The following TBC1D5 variants were observed in gnomAD, a reference collection of about 807,000 sequenced individuals.
TBC1D5 encodes the protein TBC1 domain family member 5, also known as TBC1 domain family, member 5.
In TBC1D5, 75 loss-of-function variants were observed where a neutral mutation model predicts 100.3. The ratio of observed to expected loss-of-function variants is 0.75; its 90% CI spans 0.62 to 0.91. TBC1D5 has a LOEUF of 0.91. TBC1D5 is among the 40% of genes least tolerant of loss of function. TBC1D5 has a pLI of 0.00. For synonymous variants in TBC1D5, 323 were observed against 325.6 expected, an observed-to-expected ratio of 0.99 and a Z score of 0.09; for missense variants, 910 against 942.4, an observed-to-expected ratio of 0.97 and a Z score of 0.45.
chr3:17,180,973 T>C (rs1163170709), intron 19 of TBC1D5, among the ~76,000 whole-genome samples: 1 of 150,112 alleles, frequency 6.7e-6, no homozygotes, highest in Non-Finnish European at 1.5e-5. Flanking sequence ...TCTCTCGATA[T>C]GAATGGAACT....
intron 13 of TBC1D5, among the ~76,000 whole-genome samples, chr3:17,346,529 T>G (rs1442867425): frequency 6.6e-6 from 1 of 152,192 alleles, no homozygotes; most frequent in Non-Finnish European, 1.5e-5. Context: ...TTTTTCCTAA[T>G]GTACTGTCCT....
intron 1 of TBC1D5, among the ~76,000 whole-genome samples, chr3:17,669,345 C>A (rs993440671): frequency 2.0e-5 from 3 of 151,970 alleles, no homozygotes; most frequent in Non-Finnish European, 2.9e-5. Context: ...TTTATAGCAG[C>A]ATGAGAATGG....
chr3:17,689,532 A>AG (rs1445496043), intron 1 of TBC1D5, among the ~76,000 whole-genome samples: 2 of 151,760 alleles, frequency 1.3e-5, no homozygotes, highest in South Asian at 2.1e-4. Context: ...AAAAAAAAAA[A>AG]AAAAGAAAAG....
chr3:17,633,356 A>C (rs2063647802), intron 1 of TBC1D5, among the ~76,000 whole-genome samples: 2 of 152,120 alleles, frequency 1.3e-5, no homozygotes, highest in African/African-American at 2.4e-5. Context: ...GAATTGCTGG[A>C]ACCTGGGAGG....
intron 3 of TBC1D5, among the ~76,000 whole-genome samples, chr3:17,445,546 G>T (rs2094770493): frequency 6.6e-6 from 1 of 151,896 alleles, no homozygotes; most frequent in East Asian, 1.9e-4. Context: ...CTTATTTGTG[G>T]TCTTGCTTTC....
chr3:17,491,296 C>T (rs192206509), intron 3 of TBC1D5, among the ~76,000 whole-genome samples: 4 of 152,198 alleles, frequency 2.6e-5, no homozygotes, highest in East Asian at 3.9e-4. Flanking sequence ...TTTGAATACC[C>T]ATTATTTCTT....
chr3:17,654,566 A>T (rs1470700506), intron 1 of TBC1D5, among the ~76,000 whole-genome samples: 1 of 152,178 alleles, frequency 6.6e-6, no homozygotes, highest in Non-Finnish European at 1.5e-5. Flanking sequence ...GTTTGCCAGT[A>T]TTTTATTGAG....
intron 2 of TBC1D5, among the ~76,000 whole-genome samples, chr3:17,591,827 T>C (rs114842964): frequency 0.017 from 2,523 of 152,270 alleles, 52 homozygotes; most frequent in South Asian, 0.048. Context: ...AAAATAATAT[T>C]GAATCCTTGG....
chr3:17,692,493 A>G, intron 1 of TBC1D5, among the ~76,000 whole-genome samples: 1 of 152,252 alleles, frequency 6.6e-6, no homozygotes, highest in East Asian at 1.9e-4. Context: ...AAGACACAGA[A>G]AAAAACTATG....
chr3:17,456,850 T>C (rs372620809), intron 3 of TBC1D5, among the ~76,000 whole-genome samples: 4 of 152,182 alleles, frequency 2.6e-5, no homozygotes, highest in African/African-American at 9.6e-5. Context: ...TATAAAATGG[T>C]TGAACCACAA....
chr3:17,347,707 T>G (rs542692916), intron 13 of TBC1D5, among the ~76,000 whole-genome samples: 1 of 152,236 alleles, frequency 6.6e-6, no homozygotes, highest in Non-Finnish European at 1.5e-5. Context: ...AGTTTAGATT[T>G]AAATCTAAAT....
At chr3:17,584,738 C>T (rs180923784) in intron 2 of TBC1D5, among the ~76,000 whole-genome samples, 2 of 152,288 alleles carry the variant, frequency 1.3e-5, no homozygotes, top group East Asian at 3.9e-4. Context: ...CTCACTGCAA[C>T]CTCCACTTCC....
intron 14 of TBC1D5, among the ~76,000 whole-genome samples, chr3:17,299,336 T>C (rs574500584): frequency 6.6e-6 from 1 of 152,326 alleles, no homozygotes; most frequent in South Asian, 2.1e-4. Context: ...GGAGGTTTTT[T>C]TATTTTTGGA....
In TBC1D5 at chr3:17,688,959, C is replaced by T. The variant is rs181961462; in HGVS notation, c.-101+50384G>A. ...ACTATCTTGAATTGTCCCGAATTTTCCAGAGTTACTACTGGGTACACAGAG... is the reference window on the plus strand; with the variant it reads ...ACTATCTTGAATTGTCCCGAATTTTTCAGAGTTACTACTGGGTACACAGAG... On this transcript the variant is annotated intron_variant, in intron 1 of 21. Coordinates refer to ENST00000253692, the Ensembl canonical transcript of TBC1D5. Among the ~76,000 whole-genome samples the T allele has an allele frequency of 1.7e-4, 26 of 152,228 alleles. No homozygotes were observed. The East Asian group carries it at 4.8e-3, about 28-fold the overall frequency.
chr3:17,721,194 A>G (rs1047610838), intron 1 of TBC1D5, among the ~76,000 whole-genome samples: 2 of 152,160 alleles, frequency 1.3e-5, no homozygotes, highest in African/African-American at 2.4e-5. Flanking sequence ...TCTCAACTAT[A>G]AACTATAAAA....
At chr3:17,165,677 G>A (rs1013507706) in intron 21 of TBC1D5, among the ~76,000 whole-genome samples, 4 of 152,174 alleles carry the variant, frequency 2.6e-5, no homozygotes, top group African/African-American at 9.7e-5. Context: ...ATTTACAAGT[G>A]TCTGAATGCT....
At position 17,509,958 on chromosome 3, in the gene TBC1D5, A is replaced by G. The variant is rs143556754; in HGVS notation, c.-35-1353T>C. Among the ~76,000 whole-genome samples, 374 of 152,164 alleles carry G rather than the reference A, an allele frequency of 2.5e-3. 1 individual carries two copies. Among genetic ancestry groups the G allele is most frequent in the African/African-American group, 8.5e-3 (354 of 41,576 alleles). The stretch of plus-strand genomic sequence containing the variant: ...CCAACCTACACTATTTGTAAATTTT[A>G]TATGTCCCTAAGATGCAAATTATCT... On this transcript the variant is annotated intron_variant, in intron 2 of 21. Transcript: ENST00000253692.
intron 2 of TBC1D5, among the ~76,000 whole-genome samples, chr3:17,549,781 A>C (rs929825060): frequency 3.9e-5 from 6 of 151,942 alleles, no homozygotes; most frequent in African/African-American, 1.5e-4. Context: ...AAATACAAAA[A>C]TTAGCTGGGT....
At chr3:17,541,863 A>G (rs2096360952) in intron 2 of TBC1D5, among the ~76,000 whole-genome samples, 1 of 152,232 alleles carries the variant, frequency 6.6e-6, no homozygotes, top group African/African-American at 2.4e-5. Flanking sequence ...GACCACAGTG[A>G]ATGACTGAAA....
Sources: allele counts gnomAD v4.1 joint callset (sites outside exome capture counted in the v4.1 genomes callset), GRCh38; gene constraint gnomAD v4.1.1; transcripts MANE v1.5; gene names NCBI Gene and HGNC (gene_info 2026-07-23, HGNC 2026-07-21).